Variants in USP32 observed in about 807,000 individuals in gnomAD.
USP32 encodes ubiquitin specific peptidase 32, also known as ubiquitin carboxyl-terminal hydrolase 32.
Under a neutral mutation model 204.8 loss-of-function variants are expected in USP32, and 59 were observed. The ratio of observed to expected loss-of-function variants is 0.29; its 90% CI spans 0.23 to 0.36. The LOEUF (loss-of-function observed/expected upper bound fraction) is 0.36. USP32 is among the 10% of genes least tolerant of loss of function. The pLI, the probability that USP32 is intolerant of heterozygous loss-of-function variation, is 1.00. For missense variants in USP32, 1,160 were observed against 1,946.4 expected (o/e 0.60, Z 7.60); for synonymous variants, 517 against 678.4 (o/e 0.76, Z 3.70).
At chr17:60,219,550 G>A (rs977319390) in intron 16 of USP32, 120 bp downstream of exon 16, 956 of 1,404,068 alleles carry the variant, frequency 6.8e-4, no homozygotes, top group Non-Finnish European at 8.4e-4. Context: ...TTCGAGCAAC[G>A]TAGTTTTCAC....
intron 9 of USP32, chr17:60,258,385 A>C (rs922118556): frequency 5.7e-6 from 1 of 174,308 alleles, no homozygotes; most frequent in Non-Finnish European, 1.4e-5. Context: ...CTTGGCAAAG[A>C]TCAAGAAGAA....
intron 11 of USP32, among the ~76,000 whole-genome samples, chr17:60,248,737 G>A (rs373514364): frequency 1.3e-5 from 2 of 152,020 alleles, no homozygotes; most frequent in Admixed American, 6.5e-5. Context: ...ATACAGCTTC[G>A]TTTAGCTCTT....
intron 12 of USP32, among the ~76,000 whole-genome samples, chr17:60,234,993 CA>C (rs2085683802): frequency 1.3e-5 from 2 of 152,110 alleles, no homozygotes; most frequent in South Asian, 4.1e-4. Context: ...CTACCCTCCC[CA>C]AATTTCTTTA....
intron 1 of USP32, chr17:60,422,042 G>A: frequency 2.6e-6 from 2 of 762,204 alleles, no homozygotes; most frequent in East Asian, 1.3e-4. Flanking sequence ...AGCACGGAGG[G>A]CTTATTATTA....
chr17:60,378,483 A>G (rs912805959), intron 1 of USP32, among the ~76,000 whole-genome samples: 8 of 152,186 alleles, frequency 5.3e-5, no homozygotes, highest in Admixed American at 5.2e-4. Context: ...ACTCAGACAG[A>G]TATTTGTACA....
At chr17:60,234,372 C>T (rs1406317556) in intron 12 of USP32, among the ~76,000 whole-genome samples, 2 of 151,078 alleles carry the variant, frequency 1.3e-5, no homozygotes, top group Non-Finnish European at 3.0e-5. Context: ...CTTGGCCTCC[C>T]AAAGTGCTGG....
At chr17:60,334,235 G>C (rs1197473255) in intron 2 of USP32, among the ~76,000 whole-genome samples, 1 of 152,000 alleles carries the variant, frequency 6.6e-6, no homozygotes, top group African/African-American at 2.4e-5. Context: ...TGCATTTTCT[G>C]TTTGCATTTT....
rs141665170 is a variant in USP32 at position 60,181,673 on chromosome 17, C to T, written c.4199G>A (p.Arg1400Gln). Residue 1400 changes from arginine to glutamine, a missense_variant, in exon 32 of 34, where the codon CGG becomes CAG. By Grantham distance (43) the Arg-to-Gln change is conservative. Transcript: ENST00000300896. ...CCTCCCTTTGCTCCTCCCCAAAGTC[C>T]GTGGGCTGCTATTAGGGCTGCTGTT... ...SKNSSPNSSPRTLGRSKGRLR... is the reference protein window; with the variant it reads ...SKNSSPNSSPQTLGRSKGRLR... The T allele has an allele frequency of 8.7e-6, 14 of 1,613,182 alleles. No individual in the cohort carries two copies. The highest frequency in any genetic ancestry group is 7.7e-5 in the South Asian group (7 of 91,050).
intron 5 of USP32, among the ~76,000 whole-genome samples, chr17:60,278,788 T>C (rs987469265): frequency 3.3e-5 from 5 of 152,326 alleles, no homozygotes; most frequent in African/African-American, 1.2e-4. Context: ...TTGGAGCTGC[T>C]AGACTGCTTG....
intron 5 of USP32, among the ~76,000 whole-genome samples, chr17:60,286,820 A>AAAGAC (rs978107298): frequency 1.2e-4 from 19 of 152,146 alleles, no homozygotes; most frequent in Non-Finnish European, 2.9e-5. Context: ...CAGGGGAACT[A>AAAGAC]AAGACTCAAT....
At chr17:60,351,859 A>G (rs2088958396) in intron 1 of USP32, among the ~76,000 whole-genome samples, 1 of 152,212 alleles carries the variant, frequency 6.6e-6, no homozygotes, top group African/African-American at 2.4e-5. Flanking sequence ...AATATGAAAT[A>G]TTAAACTGGA....
chr17:60,209,747 T>G (rs1411112236), intron 21 of USP32, among the ~76,000 whole-genome samples: 1 of 152,110 alleles, frequency 6.6e-6, no homozygotes, highest in Non-Finnish European at 1.5e-5. Flanking sequence ...AAGAGAAGTA[T>G]TTTGGCCAAT....
intron 1 of USP32, among the ~76,000 whole-genome samples, chr17:60,383,849 A>G (rs2089686224): frequency 6.6e-6 from 1 of 152,228 alleles, no homozygotes; most frequent in African/African-American, 2.4e-5. Flanking sequence ...CTTGTAGACC[A>G]CTATAAAGAC....
At chr17:60,295,815 GATAC>G (rs755607627) in intron 3 of USP32, among the ~76,000 whole-genome samples, 6 of 152,022 alleles carry the variant, frequency 3.9e-5, no homozygotes, top group Non-Finnish European at 8.8e-5. Flanking sequence ...CTTTATCATA[GATAC>G]ATATGTATAG....
chr17:60,389,456 T>C (rs1233602566), intron 1 of USP32, among the ~76,000 whole-genome samples: 1 of 151,576 alleles, frequency 6.6e-6, no homozygotes, highest in Non-Finnish European at 1.5e-5. Context: ...GGCAGGAGAA[T>C]GGCTTGAACC....
At chr17:60,241,788 T>A (rs563008077) in intron 11 of USP32, among the ~76,000 whole-genome samples, 39 of 152,336 alleles carry the variant, frequency 2.6e-4, no homozygotes, top group Non-Finnish European at 4.1e-4. Context: ...ATATATAAAA[T>A]TTGCAAATAT....
intron 3 of USP32, among the ~76,000 whole-genome samples, chr17:60,300,658 C>T: frequency 6.6e-6 from 1 of 152,132 alleles, no homozygotes; most frequent in Admixed American, 6.5e-5. Flanking sequence ...TCTATGTCAT[C>T]AGAATTTTAA....
At chr17:60,351,526 T>G (rs2088949221) in intron 1 of USP32, among the ~76,000 whole-genome samples, 1 of 152,024 alleles carries the variant, frequency 6.6e-6, no homozygotes, top group Non-Finnish European at 1.5e-5. Context: ...TCTCCCGGGT[T>G]CAAGCAATTC....
intron 9 of USP32, among the ~76,000 whole-genome samples, chr17:60,262,142 A>AG (rs1265039781): frequency 1.3e-5 from 2 of 152,196 alleles, no homozygotes; most frequent in Non-Finnish European, 2.9e-5. Flanking sequence ...CTTTTTCTAA[A>AG]GCAAATTCAC....
Sources: allele counts gnomAD v4.1 joint callset (sites outside exome capture counted in the v4.1 genomes callset), GRCh38; gene constraint gnomAD v4.1.1; transcripts MANE v1.5; gene names NCBI Gene and HGNC (gene_info 2026-07-23, HGNC 2026-07-21).